The following FAM210A variants were observed in gnomAD, a reference collection of about 807,000 sequenced individuals.
FAM210A encodes the protein mitochondrial inner membrane scaffold 1.
In FAM210A, 13 loss-of-function variants were observed where a neutral mutation model predicts 25.3. The ratio of observed to expected loss-of-function variants is 0.51; its 90% CI spans 0.33 to 0.82. The LOEUF (loss-of-function observed/expected upper bound fraction) is 0.82, where lower values mean the gene tolerates loss of function less well. FAM210A is among the 40% of genes least tolerant of loss of function. The pLI is 0.02. For synonymous variants in FAM210A, 125 were observed against 118.7 expected (o/e 1.05, Z -0.35); for missense variants, 319 against 323.2 (o/e 0.99, Z 0.10).
intron 3 of FAM210A, among the ~76,000 whole-genome samples, chr18:13,667,575 C>T (rs1354026808): frequency 4.0e-5 from 6 of 151,854 alleles, no homozygotes; most frequent in Non-Finnish European, 7.4e-5. Flanking sequence ...AAAAATTAGC[C>T]GGGCGTGGTG....
intron 2 of FAM210A, 31 bp downstream of exon 2, chr18:13,681,574 G>A: frequency 6.7e-7 from 1 of 1,501,064 alleles, no homozygotes; most frequent in Non-Finnish European, 9.0e-7. Context: ...TGGTAAGACA[G>A]GGAAAGACAT....
chr18:13,702,970 G>A (rs2043752687), intron 1 of FAM210A, among the ~76,000 whole-genome samples: 1 of 152,266 alleles, frequency 6.6e-6, no homozygotes, highest in East Asian at 1.9e-4. Context: ...GACCACTGTG[G>A]TTAAAAGTCA....
intron 1 of FAM210A, among the ~76,000 whole-genome samples, chr18:13,684,496 T>C (rs958520427): frequency 1.3e-5 from 2 of 151,980 alleles, no homozygotes; most frequent in African/African-American, 2.4e-5. Flanking sequence ...CACTGTATAA[T>C]AACAAGAATG....
intron 1 of FAM210A, among the ~76,000 whole-genome samples, chr18:13,691,442 G>C (rs1343035872): frequency 6.6e-6 from 1 of 152,104 alleles, no homozygotes; most frequent in Admixed American, 6.5e-5. Context: ...GCAACTCTGA[G>C]ACACATAATT....
chr18:13,709,586 A>C (rs56127752), intron 1 of FAM210A, among the ~76,000 whole-genome samples: 3,212 of 152,186 alleles, frequency 0.021, 128 homozygotes, highest in African/African-American at 0.073. Context: ...ACCTTGCTCT[A>C]TTGGTTTCAT....
In FAM210A at chr18:13,663,718, A is replaced by C. The variant is rs1457765571; in HGVS notation, c.*2762T>G. On this transcript the variant is annotated 3_prime_UTR_variant, in exon 4 of 4. Coordinates refer to ENST00000651643, the MANE Select transcript of FAM210A (RefSeq NM_152352.4). The stretch of plus-strand genomic sequence containing the variant: ...GTAGTCCCAGCTACTCAGCAGGCTG[A>C]GGTGGGAGGATCACTTGAGCCAGGA... 2.0e-5 allele frequency: 3 copies of C among 152,224 alleles called. No homozygotes were observed. The highest frequency in any genetic ancestry group is 4.4e-5 in the Non-Finnish European group (3 of 68,072). 9.4% of individuals were successfully genotyped at this position (152,224 alleles called of 1,614,324 possible).
At chr18:13,707,480 G>A (rs1372971735) in intron 1 of FAM210A, among the ~76,000 whole-genome samples, 1 of 152,226 alleles carries the variant, frequency 6.6e-6, no homozygotes, top group African/African-American at 2.4e-5. Context: ...CCTTGTTCCT[G>A]CCTTTGCAAA....
intron 3 of FAM210A, among the ~76,000 whole-genome samples, chr18:13,670,128 G>GA (rs1372716207): frequency 1.9e-4 from 29 of 151,484 alleles, no homozygotes; most frequent in African/African-American, 6.1e-4. Flanking sequence ...CAGGTGCAGT[G>GA]AAAAAAAACA....
rs1288056029 is a variant in FAM210A, at chr18:13,666,620, G to T, written c.679C>A (p.Pro227Thr). 2 of 1,614,028 alleles carry T rather than the reference G, an allele frequency of 1.2e-6. No homozygotes were observed. Among genetic ancestry groups the T allele is most frequent in the Non-Finnish European group, 1.7e-6 (2 of 1,180,046 alleles). The change falls in exon 4 of 4, where the codon CCC (proline) becomes ACC (threonine). Residue 227 changes from proline (P) to threonine (T), a missense_variant. Pro to Thr is a conservative substitution (Grantham distance 38, BLOSUM62 -1). Coordinates refer to ENST00000651643, the MANE Select transcript of FAM210A (RefSeq NM_152352.4). ...CTGTCCTGCAGATACTCCTTGACGGGTGGCGGCGTGGACATGTAGCCATGA... is the reference window on the plus strand; with the variant it reads ...CTGTCCTGCAGATACTCCTTGACGGTTGGCGGCGTGGACATGTAGCCATGA... ...RSHGYMSTPP[P>T]VKEYLQDRME...
intron 1 of FAM210A, among the ~76,000 whole-genome samples, chr18:13,683,827 ATG>A (rs1290164548): frequency 6.6e-6 from 1 of 152,186 alleles, no homozygotes; most frequent in Non-Finnish European, 1.5e-5. Context: ...ACCCCTATAA[ATG>A]AGCACTGCAA....
intron 1 of FAM210A, among the ~76,000 whole-genome samples, chr18:13,703,728 C>T (rs1173887008): frequency 6.6e-6 from 1 of 152,110 alleles, no homozygotes; most frequent in African/African-American, 2.4e-5. Flanking sequence ...CGTAAAAAAG[C>T]TCTAATTAAT....
intron 1 of FAM210A, among the ~76,000 whole-genome samples, chr18:13,725,765 G>T (rs2043938274): frequency 6.6e-6 from 1 of 152,070 alleles, no homozygotes; most frequent in Non-Finnish European, 1.5e-5. Flanking sequence ...CTGGGGTGAT[G>T]GCCAAAAAAA....
In FAM210A at chr18:13,665,426, C is replaced by CAAGGATAT. The variant is rs2043393280; in HGVS notation, c.*1046_*1053dup. The CAAGGATAT allele has an allele frequency of 9.1e-6, 1 of 110,050 alleles. No individual in the cohort carries two copies. Among genetic ancestry groups the CAAGGATAT allele is most frequent in the Admixed American group, 9.2e-5 (1 of 10,840 alleles). 6.8% of individuals were successfully genotyped at this position (110,050 alleles called of 1,614,324 possible). ...AAAAAAATCAAGTAGAATGCTCAAACAAGGATATTTCCCTTCAATGTAAGA... is the reference window on the plus strand; with the variant it reads ...AAAAAAATCAAGTAGAATGCTCAAACAAGGATATAAGGATATTTCCCTTCAATGTAAGA... On this transcript the variant is annotated 3_prime_UTR_variant, in exon 4 of 4. Coordinates refer to ENST00000651643, the MANE Select transcript of FAM210A (RefSeq NM_152352.4).
chr18:13,680,154 A>G (rs2043539797), intron 2 of FAM210A, among the ~76,000 whole-genome samples: 1 of 152,214 alleles, frequency 6.6e-6, no homozygotes, highest in African/African-American at 2.4e-5. Context: ...CCATGACTCA[A>G]AAAAGAAAAT....
chr18:13,707,094 A>G (rs187692018), intron 1 of FAM210A, among the ~76,000 whole-genome samples: 3 of 152,304 alleles, frequency 2.0e-5, no homozygotes, highest in Admixed American at 2.0e-4. Context: ...CTTCAACTGG[A>G]ATGACAAGAG....
At chr18:13,705,857 C>T (rs2043774372) in intron 1 of FAM210A, among the ~76,000 whole-genome samples, 1 of 152,184 alleles carries the variant, frequency 6.6e-6, no homozygotes, top group Non-Finnish European at 1.5e-5. Context: ...TATTTGGCTA[C>T]CTGATGGGTC....
intron 1 of FAM210A, among the ~76,000 whole-genome samples, chr18:13,701,312 G>GC (rs1183255804): frequency 6.6e-6 from 1 of 151,618 alleles, no homozygotes; most frequent in African/African-American, 2.4e-5. Flanking sequence ...TTTGGAAATC[G>GC]CAACAGAAAT....
chr18:13,712,228 A>G (rs1021883946), intron 1 of FAM210A, among the ~76,000 whole-genome samples: 10 of 152,354 alleles, frequency 6.6e-5, no homozygotes, highest in African/African-American at 2.4e-4. Context: ...TAAGAAAAAT[A>G]TACTATTAAG....
chr18:13,702,748 T>C (rs978107824), intron 1 of FAM210A, among the ~76,000 whole-genome samples: 2 of 152,206 alleles, frequency 1.3e-5, no homozygotes, highest in Non-Finnish European at 2.9e-5. Flanking sequence ...CCGGGTCCAA[T>C]ACCTGGCTTA....
Sources: gnomAD v4.1 joint callset for allele counts (sites outside exome capture counted in the v4.1 genomes callset) on GRCh38, gnomAD v4.1.1 for gene constraint, MANE v1.5 for transcripts, NCBI Gene and HGNC (gene_info 2026-07-23, HGNC 2026-07-21) for gene names.